Variants in ADGRL2 observed in about 807,000 individuals in gnomAD.
ADGRL2 encodes adhesion G protein-coupled receptor L2.
Under a neutral mutation model 157.4 loss-of-function variants are expected in ADGRL2, and 44 were observed. The observed-to-expected ratio is 0.28, with a 90% CI of 0.22 to 0.36. The LOEUF (loss-of-function observed/expected upper bound fraction) is 0.36, where lower values mean the gene tolerates loss of function less well. Ranked by LOEUF, ADGRL2 falls within the 10% of genes least tolerant of loss-of-function variation. The pLI, the probability that ADGRL2 is intolerant of heterozygous loss-of-function variation, is 1.00. For synonymous variants in ADGRL2, 585 were observed against 624.7 expected (o/e 0.94, Z 0.95); for missense variants, 1,510 against 1,768.9 (o/e 0.85, Z 2.63).
chr1:81,364,560 T>C (rs1467479404), intron 1 of ADGRL2, among the ~76,000 whole-genome samples: 1 of 152,076 alleles, frequency 6.6e-6, no homozygotes, highest in Admixed American at 6.5e-5. Context: ...CTATGAAAAT[T>C]ACTGTGAAAA....
intron 1 of ADGRL2, among the ~76,000 whole-genome samples, chr1:81,760,721 CTT>C (rs10715240): frequency 0.036 from 5,292 of 145,982 alleles, 250 homozygotes; most frequent in African/African-American, 0.11. Context: ...CTTAAAAATA[CTT>C]TTTTTTTTTT....
chr1:81,671,175 C>T (rs763403470), intron 3 of ADGRL2, among the ~76,000 whole-genome samples: 10 of 152,144 alleles, frequency 6.6e-5, no homozygotes, highest in Admixed American at 2.6e-4. Context: ...TCATCTCTCC[C>T]CTGTTCCTCA....
intron 2 of ADGRL2, among the ~76,000 whole-genome samples, chr1:81,572,320 T>A (rs1037332371): frequency 6.6e-6 from 1 of 152,210 alleles, no homozygotes; most frequent in Non-Finnish European, 1.5e-5. Flanking sequence ...CATTCACTCA[T>A]CCAAACAAAC....
At chr1:81,437,587 C>T (rs1273804550) in intron 1 of ADGRL2, among the ~76,000 whole-genome samples, 1 of 152,122 alleles carries the variant, frequency 6.6e-6, no homozygotes, top group East Asian at 1.9e-4. Context: ...TGATAATTGC[C>T]CTTCCCATTT....
chr1:81,310,707 G>C (rs926949522), intron 1 of ADGRL2, among the ~76,000 whole-genome samples: 3 of 152,058 alleles, frequency 2.0e-5, no homozygotes, highest in Non-Finnish European at 4.4e-5. Context: ...GTTAGATGTC[G>C]ACCATTGGTA....
intron 2 of ADGRL2, among the ~76,000 whole-genome samples, chr1:81,490,710 A>G (rs2078613255): frequency 6.6e-6 from 1 of 152,238 alleles, no homozygotes; most frequent in Non-Finnish European, 1.5e-5. Flanking sequence ...TGGTGAGAGC[A>G]TACAACACAG....
At chr1:81,985,726 ATAAAG>A (rs1662959325) in intron 21 of ADGRL2, among the ~76,000 whole-genome samples, 1 of 152,170 alleles carries the variant, frequency 6.6e-6, no homozygotes, top group Middle Eastern at 3.4e-3. Context: ...ATGAAAGTTT[ATAAAG>A]TAATTATTTC....
intron 3 of ADGRL2, among the ~76,000 whole-genome samples, chr1:81,656,954 G>A (rs1253283947): frequency 6.8e-6 from 1 of 147,680 alleles, no homozygotes; most frequent in Admixed American, 6.8e-5. Flanking sequence ...AGGTTACCAT[G>A]AGCCATGATT....
intron 1 of ADGRL2, among the ~76,000 whole-genome samples, chr1:81,418,142 G>A (rs2101513647): frequency 6.6e-6 from 1 of 152,012 alleles, no homozygotes; most frequent in Non-Finnish European, 1.5e-5. Context: ...ATGTATGCTA[G>A]GTCTCATCAA....
At chr1:81,825,560 G>A (rs2091397663) in intron 1 of ADGRL2, among the ~76,000 whole-genome samples, 1 of 149,398 alleles carries the variant, frequency 6.7e-6, no homozygotes, top group Non-Finnish European at 1.5e-5. Flanking sequence ...GGCCAAGATG[G>A]TCTCGATCTC....
At chr1:81,424,671 G>A (rs1276906410) in intron 1 of ADGRL2, among the ~76,000 whole-genome samples, 2 of 152,150 alleles carry the variant, frequency 1.3e-5, no homozygotes, top group African/African-American at 2.4e-5. Flanking sequence ...ACAATCCTAA[G>A]ATAAGACCAC....
intron 1 of ADGRL2, among the ~76,000 whole-genome samples, chr1:81,332,172 G>T (rs1410912710): frequency 6.6e-6 from 1 of 152,140 alleles, no homozygotes. Context: ...CCAACTCTGT[G>T]CCTTTCACTG....
intron 3 of ADGRL2, among the ~76,000 whole-genome samples, chr1:81,931,576 T>A (rs2148779430): frequency 6.6e-6 from 1 of 152,328 alleles, no homozygotes; most frequent in East Asian, 1.9e-4. Flanking sequence ...AAAATGATTA[T>A]ATGTTTAGAA....
chr1:81,852,383 T>G (rs866938145), intron 2 of ADGRL2, among the ~76,000 whole-genome samples: 5 of 152,110 alleles, frequency 3.3e-5, no homozygotes, highest in Non-Finnish European at 7.4e-5. Flanking sequence ...TGGAAAGATA[T>G]AGCTTCTTTT....
At chr1:81,390,570 C>T (rs976188516) in intron 1 of ADGRL2, among the ~76,000 whole-genome samples, 8 of 151,388 alleles carry the variant, frequency 5.3e-5, no homozygotes, top group Non-Finnish European at 7.4e-5. Context: ...AGTAAATGCC[C>T]TCCCTCCTAT....
intron 2 of ADGRL2, among the ~76,000 whole-genome samples, chr1:81,886,320 C>T (rs1473557472): frequency 6.6e-6 from 1 of 152,046 alleles, no homozygotes; most frequent in Admixed American, 6.6e-5. Flanking sequence ...TACAGGCATG[C>T]ACCACCACAC....
chr1:81,345,671 A>ATTGAC (rs1326376342), intron 1 of ADGRL2, among the ~76,000 whole-genome samples: 1 of 152,230 alleles, frequency 6.6e-6, no homozygotes, highest in Non-Finnish European at 1.5e-5. Flanking sequence ...TCAACTAATC[A>ATTGAC]TAACTGTCCT....
intron 2 of ADGRL2, among the ~76,000 whole-genome samples, chr1:81,880,437 AACAAGGTTCAGGTTCTTGTCTC>A (rs1326787080): frequency 6.6e-6 from 1 of 152,190 alleles, no homozygotes; most frequent in Non-Finnish European, 1.5e-5. Flanking sequence ...TCCTTAGCTT[AACAAGGTTCAGGTTCTTGTCTC>A]AGTACCAGGA....
At chr1:81,665,554 C>T (rs1406512498) in intron 3 of ADGRL2, among the ~76,000 whole-genome samples, 2 of 152,132 alleles carry the variant, frequency 1.3e-5, no homozygotes, top group Non-Finnish European at 2.9e-5. Flanking sequence ...ATTGGGTCTC[C>T]TACCTCCATG....
Sources: allele counts gnomAD v4.1 joint callset (sites outside exome capture counted in the v4.1 genomes callset), GRCh38; gene constraint gnomAD v4.1.1; transcripts MANE v1.5; gene names NCBI Gene and HGNC (gene_info 2026-07-23, HGNC 2026-07-21).